The following TEAD3 variants were observed in gnomAD, a reference collection of about 807,000 sequenced individuals.
TEAD3 encodes the protein transcriptional enhancer factor TEF-5.
A neutral mutation model predicts 55.6 loss-of-function variants in TEAD3; 15 were observed. That is an observed-to-expected ratio of 0.27 (90% CI 0.18 to 0.42). The LOEUF (loss-of-function observed/expected upper bound fraction) is 0.42, where lower values mean the gene tolerates loss of function less well. TEAD3 is among the 10% of genes least tolerant of loss of function. TEAD3 has a pLI of 1.00. For missense variants in TEAD3, 407 were observed against 576.8 expected (o/e 0.71, Z 3.01); for synonymous variants, 210 against 232.2 (o/e 0.90, Z 0.87).
At position 35,488,638 on chromosome 6, in the gene TEAD3, A is replaced by C. The variant is rs1046471702; in HGVS notation, c.-49-1927T>G. Among the ~76,000 whole-genome samples the C allele has an allele frequency of 1.3e-4, 20 of 152,208 alleles. 1 individual carries two copies. Among genetic ancestry groups the C allele is most frequent in the Admixed American group, 1.0e-3 (16 of 15,282 alleles). ...TGTTTGCTTAGGGAGGCTTGAGGGG[A>C]TCACTAGTAGAATGAGGTGGGGAGG... On this transcript the variant is annotated intron_variant, in intron 1 of 12. Coordinates refer to ENST00000639578, the Ensembl canonical transcript of TEAD3. The surrounding 1 kb of genome is among the most constrained non-coding windows in gnomAD (Gnocchi z 4.2).
In TEAD3 at chr6:35,486,444, C is replaced by T. The variant is rs933824921; in HGVS notation, c.202+17G>A. 3 of 1,602,484 alleles carry T rather than the reference C, an allele frequency of 1.9e-6. No homozygotes were observed. The highest frequency in any genetic ancestry group is 2.6e-6 in the Non-Finnish European group (3 of 1,172,070). ...GGGGGAAGGGCCGCAGTCCCGCCCG[C>T]GCCCCCCGGCACGCACCGTACATCT... On this transcript the variant is annotated intron_variant, in intron 2 of 12. Coordinates refer to ENST00000639578, the Ensembl canonical transcript of TEAD3. This position sits in a 1 kb window ranked among gnomAD's most constrained non-coding sequence, Gnocchi z 7.3.
In TEAD3 at chr6:35,496,118, CA is replaced by C. The variant is rs1768642825; in HGVS notation, c.-50+779del. Among the ~76,000 whole-genome samples, 1 of 151,836 alleles carries C rather than the reference CA, an allele frequency of 6.6e-6. No homozygotes were observed. Among genetic ancestry groups the C allele is most frequent in the South Asian group, 2.1e-4 (1 of 4,812 alleles). ...TAGCAGGAATAAAGGGCATGACAGA[CA>C]ATGGTGGGGACCGGGGTAGGAAGCG... On this transcript the variant is annotated intron_variant, in intron 1 of 12. Transcript: ENST00000639578. This position sits in a 1 kb window ranked among gnomAD's most constrained non-coding sequence, Gnocchi z 4.8.
At chr6:35,474,703 T>G, downstream of TEAD3, 1 of 254,978 alleles carries the variant, frequency 3.9e-6, no homozygotes, top group Non-Finnish European at 7.6e-6. Flanking sequence ...CCCCCAAGGG[T>G]GGGTGGGGGT....
intron 4 of TEAD3, chr6:35,479,977 C>T (rs1190044815): frequency 1.6e-6 from 2 of 1,259,904 alleles, no homozygotes; most frequent in Non-Finnish European, 2.2e-6. Context: ...CTTGCCTGTC[C>T]CAGGCTGGAG....
At chr6:35,477,289 G>GCAC in intron 8 of TEAD3, 22 bp downstream of exon 8, 1 of 1,609,698 alleles carries the variant, frequency 6.2e-7, no homozygotes, top group South Asian at 1.1e-5. Flanking sequence ...CCAAGGGAGA[G>GCAC]CACCTCGTGT....
At chr6:35,487,060 T>C (rs778870229) in intron 1 of TEAD3, among the ~76,000 whole-genome samples, 1 of 152,226 alleles carries the variant, frequency 6.6e-6, no homozygotes, top group Non-Finnish European at 1.5e-5. Flanking sequence ...AGGTAATCGG[T>C]AACAACAATG....
At chr6:35,492,265 C>T (rs975684991) in intron 1 of TEAD3, among the ~76,000 whole-genome samples, 33 of 152,178 alleles carry the variant, frequency 2.2e-4, no homozygotes, top group African/African-American at 8.0e-4. Context: ...CCGGGGGGGT[C>T]GAGGATGGGG....
Position 35,484,910 on chromosome 6 carries a change from G to A in TEAD3, c.203-286C>T, listed in dbSNP as rs1768342616. 6.6e-6 allele frequency among the ~76,000 whole-genome samples: 1 copy of A among 152,188 alleles called. No individual in the cohort carries two copies. Among genetic ancestry groups the A allele is most frequent in the South Asian group, 2.1e-4 (1 of 4,834 alleles). On this transcript the variant is annotated intron_variant, in intron 2 of 12. Coordinates refer to ENST00000639578, the Ensembl canonical transcript of TEAD3. The surrounding 1 kb of genome is among the most constrained non-coding windows in gnomAD (Gnocchi z 5.8). ...AGGGCCGAGCAGCACTAGGCACCCTGACAGGCTTCCCTGCAGACAGACCGG... is the reference window on the plus strand; with the variant it reads ...AGGGCCGAGCAGCACTAGGCACCCTAACAGGCTTCCCTGCAGACAGACCGG...
Position 35,475,347 on chromosome 6 carries a change from TGAA to T in TEAD3, c.1180_1182del (p.Phe394del). On this transcript the variant is annotated inframe_deletion, in exon 12 of 13. Transcript: ENST00000639578. The surrounding 1 kb of genome is among the most constrained non-coding windows in gnomAD (Gnocchi z 5.4). ...TGCTGCCCCCATACCTGCAGGATGG[TGAA>T]GTTCTCCAGCACGCTGTTCATCATG... The T allele has an allele frequency of 6.2e-7, 1 of 1,613,558 alleles. No individual in the cohort carries two copies. The highest frequency in any genetic ancestry group is 8.5e-7 in the Non-Finnish European group (1 of 1,179,634).
chr6:35,476,032 G>C, exon 10 of TEAD3: 2 of 1,557,942 alleles, frequency 1.3e-6, no homozygotes, highest in Non-Finnish European at 1.7e-6. Context: ...ACTGCCTCCA[G>C]GGGTGGGTCT....
In TEAD3 at chr6:35,475,082, C is replaced by A; in HGVS notation, c.1270G>T (p.Gly424Trp). The change falls in exon 13 of 13, where the codon GGG (glycine) becomes TGG (tryptophan). Residue 424 changes from glycine (G) to tryptophan (W), a missense_variant. Physicochemically the swap from Gly to Trp is radical, Grantham distance 184 (BLOSUM62 -2). Coordinates refer to ENST00000639578, the Ensembl canonical transcript of TEAD3. The surrounding 1 kb of genome is among the most constrained non-coding windows in gnomAD (Gnocchi z 5.4). The stretch of plus-strand genomic sequence containing the variant: ...AGCTTGTAGACATGGTGCTGGGCCC[C>A]GTGCTCACTGGTGGAGACTTCGAAG... 1.3e-6 allele frequency: 2 copies of A among 1,597,918 alleles called. No homozygotes were observed. Among genetic ancestry groups the A allele is most frequent in the East Asian group, 4.5e-5 (2 of 44,244 alleles).
At chr6:35,476,414 A>T (rs1448510995) in exon 9 of TEAD3, 1 of 1,612,824 alleles carries the variant, frequency 6.2e-7, no homozygotes, top group Non-Finnish European at 8.5e-7. Context: ...AGCTGAGGGG[A>T]GCGGGGCCAG....
rs559775110 is a variant in TEAD3, at chr6:35,478,937, C to T, written c.343-366G>A. Among the ~76,000 whole-genome samples, 9 of 144,314 alleles carry T rather than the reference C, an allele frequency of 6.2e-5. No individual in the cohort carries two copies. In the East Asian group the frequency reaches 1.4e-3, roughly 23 times the overall value. 94.7% of individuals were successfully genotyped at this position (144,314 alleles called of 152,430 possible). ...CTCTGTCACCCAGGCTAGAGTGCAG[C>T]GGCATGATCTCGGCTCACTGCAAGC... On this transcript the variant is annotated intron_variant, in intron 5 of 12. Transcript: ENST00000639578.
chr6:35,484,309 G>A lies in TEAD3; in HGVS notation c.267+251C>T, dbSNP rs1462896042. 6.6e-6 allele frequency among the ~76,000 whole-genome samples: 1 copy of A among 152,194 alleles called. No homozygotes were observed. The highest frequency in any genetic ancestry group is 1.5e-5 in the Non-Finnish European group (1 of 68,030). The stretch of plus-strand genomic sequence containing the variant: ...TGTGGTCCCTGAACCACAGGCCCTG[G>A]GCAGGGTAGTAGGTGGTCAGAGAGG... On this transcript the variant is annotated intron_variant, in intron 3 of 12. Coordinates refer to ENST00000639578, the Ensembl canonical transcript of TEAD3. This position sits in a 1 kb window ranked among gnomAD's most constrained non-coding sequence, Gnocchi z 5.8.
chr6:35,475,414 G>C lies in TEAD3; in HGVS notation c.1116C>G (p.Ile372Met), dbSNP rs374788234. 2 of 1,613,952 alleles carry C rather than the reference G, an allele frequency of 1.2e-6. No homozygotes were observed. The highest frequency in any genetic ancestry group is 2.7e-5 in the African/African-American group (2 of 74,890). ...GGTGCTTCAGCTTGTGGATGAAGTT[G>C]ATCATGTACTCGCACATGGGCGAGC... Residue 372 changes from isoleucine to methionine, a missense_variant, in exon 12 of 13, where the codon ATC becomes ATG. Ile to Met is a conservative substitution (Grantham distance 10). Coordinates refer to ENST00000639578, the Ensembl canonical transcript of TEAD3. This position sits in a 1 kb window ranked among gnomAD's most constrained non-coding sequence, Gnocchi z 5.4.
intron 8 of TEAD3, 59 bp from the exon 9 acceptor site, chr6:35,476,494 G>T (rs2150910670): frequency 6.3e-7 from 1 of 1,592,020 alleles, no homozygotes; most frequent in East Asian, 2.2e-5. Context: ...TACTGACAAA[G>T]CTGCCCCCAG....
Position 35,484,171 on chromosome 6 carries a change from G to A in TEAD3, c.267+389C>T, listed in dbSNP as rs1768319330. On this transcript the variant is annotated intron_variant, in intron 3 of 12. Transcript: ENST00000639578. The surrounding 1 kb of genome is among the most constrained non-coding windows in gnomAD (Gnocchi z 5.8). ...GGTGCCCTGCACCCACCCTCTCTCA[G>A]CCCCGCCACCTTGCTCTGTACCCAT... 6.6e-6 allele frequency among the ~76,000 whole-genome samples: 1 copy of A among 152,098 alleles called. No homozygotes were observed. The highest frequency in any genetic ancestry group is 1.5e-5 in the Non-Finnish European group (1 of 67,998).
chr6:35,478,723 T>G (rs1042849060), intron 5 of TEAD3, 152 bp from the exon 6 acceptor site: 1 of 1,094,296 alleles, frequency 9.1e-7, no homozygotes. Flanking sequence ...AGCTCTGCTG[T>G]GTGATCTTGG....
rs1768641621 is a variant in TEAD3 at position 35,496,084 on chromosome 6, T to G, written c.-50+814A>C. Among the ~76,000 whole-genome samples, 1 of 144,538 alleles carries G rather than the reference T, an allele frequency of 6.9e-6. No homozygotes were observed. The highest frequency in any genetic ancestry group is 6.8e-5 in the Admixed American group (1 of 14,688). The allele number at this position is 144,538 out of a possible 152,430, so 94.8% of individuals were successfully genotyped here. On this transcript the variant is annotated intron_variant, in intron 1 of 12. Transcript: ENST00000639578. This position sits in a 1 kb window ranked among gnomAD's most constrained non-coding sequence, Gnocchi z 4.8. ...AGATCCAGACCAGCGCTCCCAGCCC[T>G]CCCTCCCCTAGCAGGAATAAAGGGC... is the stretch of plus-strand genomic sequence containing the variant.
Sources: gnomAD v4.1 joint callset for allele counts (sites outside exome capture counted in the v4.1 genomes callset) on GRCh38, gnomAD v4.1.1 for gene constraint, Gnocchi (gnomAD v3.1) non-coding constraint, MANE v1.5 for transcripts, NCBI Gene and HGNC (gene_info 2026-07-23, HGNC 2026-07-21) for gene names.